TSPAN12: variants seen among roughly 807,000 people sequenced by gnomAD.
TSPAN12 encodes tetraspanin 12.
Under a neutral mutation model 39.2 loss-of-function variants are expected in TSPAN12, and 19 were observed. The ratio of observed to expected loss-of-function variants is 0.49; its 90% CI spans 0.34 to 0.71. TSPAN12 has a LOEUF of 0.71. Ranked by LOEUF, TSPAN12 falls within the 30% of genes least tolerant of loss-of-function variation. The pLI is 0.01. For synonymous variants in TSPAN12, 119 were observed against 124.8 expected, an observed-to-expected ratio of 0.95 and a Z score of 0.31; for missense variants, 314 against 359.9, an observed-to-expected ratio of 0.87 and a Z score of 1.03.
intron 4 of TSPAN12, among the ~76,000 whole-genome samples, chr7:120,835,180 A>G (rs969608179): frequency 1.3e-5 from 2 of 152,172 alleles, no homozygotes; most frequent in Admixed American, 1.3e-4. Context: ...GAAGTTTATA[A>G]TAAGAGAAAT....
chr7:120,793,032 G>A (rs970080161), intron 7 of TSPAN12, among the ~76,000 whole-genome samples: 3 of 152,190 alleles, frequency 2.0e-5, no homozygotes, highest in African/African-American at 7.2e-5. Context: ...AGGATGCACT[G>A]GTTCTAACTC....
chr7:120,852,175 T>C (rs1257224524), intron 2 of TSPAN12, among the ~76,000 whole-genome samples: 1 of 152,154 alleles, frequency 6.6e-6, no homozygotes, highest in East Asian at 1.9e-4. Flanking sequence ...AATGTTTTTG[T>C]GATTAAGATT....
intron 4 of TSPAN12, among the ~76,000 whole-genome samples, chr7:120,837,323 T>TG (rs1794497019): frequency 6.6e-6 from 1 of 151,312 alleles, no homozygotes; most frequent in Non-Finnish European, 1.5e-5. Flanking sequence ...TTATTTTTTT[T>TG]TTTTTTGAGA....
intron 7 of TSPAN12, among the ~76,000 whole-genome samples, chr7:120,804,314 C>T (rs1447351792): frequency 6.6e-6 from 1 of 151,998 alleles, no homozygotes; most frequent in African/African-American, 2.4e-5. Flanking sequence ...GTACTGTTTT[C>T]CGTTTTATGG....
intron 4 of TSPAN12, among the ~76,000 whole-genome samples, chr7:120,829,498 C>G (rs961221764): frequency 1.3e-5 from 2 of 151,902 alleles, no homozygotes; most frequent in African/African-American, 4.8e-5. Flanking sequence ...TTTTAACTCT[C>G]TTTACATTTA....
intron 7 of TSPAN12, among the ~76,000 whole-genome samples, chr7:120,799,149 T>C (rs1476277254): frequency 6.6e-6 from 1 of 152,068 alleles, no homozygotes; most frequent in African/African-American, 2.4e-5. Context: ...GCCTTAGCCT[T>C]CTCTTTTAAT....
At chr7:120,817,734 C>A (rs2116395241) in intron 4 of TSPAN12, among the ~76,000 whole-genome samples, 1 of 152,186 alleles carries the variant, frequency 6.6e-6, no homozygotes, top group Middle Eastern at 3.4e-3. Context: ...CTCTGAAAAT[C>A]ATCCTACTAA....
At chr7:120,829,211 A>C (rs1376854129) in intron 4 of TSPAN12, among the ~76,000 whole-genome samples, 1 of 152,180 alleles carries the variant, frequency 6.6e-6, no homozygotes, top group African/African-American at 2.4e-5. Flanking sequence ...TAGCCTGAGC[A>C]TGTAACCTGA....
chr7:120,798,700 T>C (rs1007576315), intron 7 of TSPAN12, among the ~76,000 whole-genome samples: 4 of 152,160 alleles, frequency 2.6e-5, no homozygotes, highest in African/African-American at 4.8e-5. Context: ...GTCTTCAGAA[T>C]CCAATCCCTG....
At chr7:120,792,885 C>T (rs1179543278) in intron 7 of TSPAN12, among the ~76,000 whole-genome samples, 1 of 152,128 alleles carries the variant, frequency 6.6e-6, no homozygotes, top group African/African-American at 2.4e-5. Context: ...GTATGACTCA[C>T]AGGGGAATAA....
chr7:120,809,759 C>T (rs533879208), intron 6 of TSPAN12, among the ~76,000 whole-genome samples: 94 of 152,200 alleles, frequency 6.2e-4, no homozygotes, highest in African/African-American at 2.2e-3. Context: ...TGAATACAGT[C>T]CCCACTTGAG....
intron 7 of TSPAN12, among the ~76,000 whole-genome samples, chr7:120,799,801 A>ATATTTAT (rs1016682602): frequency 1.5e-5 from 2 of 136,028 alleles, no homozygotes; most frequent in African/African-American, 5.5e-5. Flanking sequence ...AATATATTAA[A>ATATTTAT]TATTTATTAT....
At chr7:120,851,691 A>T (rs1251010891) in intron 2 of TSPAN12, among the ~76,000 whole-genome samples, 1 of 152,208 alleles carries the variant, frequency 6.6e-6, no homozygotes, top group Non-Finnish European at 1.5e-5. Flanking sequence ...CTAGTAATAA[A>T]AGCGTATAAA....
rs531952288 is a variant in TSPAN12 at position 120,837,008 on chromosome 7, G to A, written c.285+1769C>T. On this transcript the variant is annotated intron_variant, in intron 4 of 7. Transcript: ENST00000222747. ...GCAGAGTAAAAGTTGGGAGGAGGGAGGAAATGGCAGTCAGACCTTAATTGG... is the reference window on the plus strand; with the variant it reads ...GCAGAGTAAAAGTTGGGAGGAGGGAAGAAATGGCAGTCAGACCTTAATTGG... 2.1e-3 allele frequency among the ~76,000 whole-genome samples: 317 copies of A among 152,278 alleles called. 2 individuals are homozygous for A. The highest frequency in any genetic ancestry group is 3.4e-3 in the Non-Finnish European group (234 of 68,010).
intron 4 of TSPAN12, among the ~76,000 whole-genome samples, chr7:120,826,307 C>T (rs1794285021): frequency 6.6e-6 from 1 of 152,088 alleles, no homozygotes; most frequent in African/African-American, 2.4e-5. Flanking sequence ...GCTACAAGTT[C>T]CCAGGGTCAA....
At chr7:120,857,218 C>T (rs978419234) in intron 1 of TSPAN12, 3 of 293,346 alleles carry the variant, frequency 1.0e-5, no homozygotes, top group African/African-American at 6.5e-5. Flanking sequence ...GGTGAGAAAC[C>T]ACACTGCCCC....
Position 120,856,781 on chromosome 7 carries a change from AG to A in TSPAN12, c.-19del. The A allele has an allele frequency of 6.2e-7, 1 of 1,614,068 alleles. No homozygotes were observed. Among genetic ancestry groups the A allele is most frequent in the Non-Finnish European group, 8.5e-7 (1 of 1,179,940 alleles). ...CTGGCCATTGTGAGCCCCGTAAGGG[AG>A]AAGCCCCATCCTTTCACCACATCCT... is the stretch of plus-strand genomic sequence containing the variant. On this transcript the variant is annotated 5_prime_UTR_variant, in exon 2 of 8. Coordinates refer to ENST00000222747, the MANE Select transcript of TSPAN12 (RefSeq NM_012338.4).
intron 7 of TSPAN12, among the ~76,000 whole-genome samples, chr7:120,796,571 T>C (rs1220285004): frequency 1.3e-5 from 2 of 152,168 alleles, no homozygotes; most frequent in Non-Finnish European, 2.9e-5. Flanking sequence ...AATATCTTAG[T>C]AGAGATAAGG....
intron 7 of TSPAN12, among the ~76,000 whole-genome samples, chr7:120,798,310 C>G (rs146493207): frequency 6.6e-6 from 1 of 152,072 alleles, no homozygotes; most frequent in Non-Finnish European, 1.5e-5. Context: ...CAGATACCAC[C>G]GCAAGTCACA....
Sources: allele counts gnomAD v4.1 joint callset (sites outside exome capture counted in the v4.1 genomes callset), GRCh38; gene constraint gnomAD v4.1.1; transcripts MANE v1.5; gene names NCBI Gene and HGNC (gene_info 2026-07-23, HGNC 2026-07-21).